The following ME1 variants were observed in gnomAD, a reference collection of about 807,000 sequenced individuals.
The protein encoded by ME1 is NADP-dependent malic enzyme.
Under a neutral mutation model 66.4 loss-of-function variants are expected in ME1, and 74 were observed. The ratio of observed to expected loss-of-function variants is 1.11; its 90% CI spans 0.92 to 1.35. ME1 has a LOEUF of 1.35. ME1 is among the 40% of genes most tolerant of loss of function. ME1 has a pLI of 0.00. For missense variants in ME1, 750 were observed against 694.1 expected, an observed-to-expected ratio of 1.08 and a Z score of -0.90; for synonymous variants, 251 against 235.6, an observed-to-expected ratio of 1.07 and a Z score of -0.60.
At chr6:83,425,993 T>C (rs1035659991) in intron 1 of ME1, among the ~76,000 whole-genome samples, 8 of 152,164 alleles carry the variant, frequency 5.3e-5, no homozygotes, top group Non-Finnish European at 1.0e-4. Flanking sequence ...AGTGGGTTCG[T>C]TATTGCAAGC....
At chr6:83,357,378 G>C (rs980650100) in intron 3 of ME1, among the ~76,000 whole-genome samples, 3 of 152,180 alleles carry the variant, frequency 2.0e-5, no homozygotes, top group Non-Finnish European at 4.4e-5. Context: ...ATTCAGATCA[G>C]TATGGGCTCA....
chr6:83,301,313 T>TC (rs1491290614), intron 6 of ME1, among the ~76,000 whole-genome samples: 2 of 124,012 alleles, frequency 1.6e-5, no homozygotes, highest in Non-Finnish European at 1.6e-5. Context: ...TCTTTCTTTC[T>TC]TTCTCTCTCT....
intron 3 of ME1, among the ~76,000 whole-genome samples, chr6:83,396,750 G>A (rs901162825): frequency 7.2e-5 from 11 of 152,124 alleles, no homozygotes; most frequent in Middle Eastern, 3.4e-3. Flanking sequence ...TAATCACAAC[G>A]GCATGGTACC....
intron 5 of ME1, among the ~76,000 whole-genome samples, chr6:83,344,146 T>C (rs1179364725): frequency 1.3e-5 from 2 of 150,810 alleles, no homozygotes; most frequent in Non-Finnish European, 3.0e-5. Context: ...ATTAGATTGG[T>C]GTGGTGGTGC....
At chr6:83,270,143 TA>T (rs1392774220) in intron 6 of ME1, among the ~76,000 whole-genome samples, 1 of 152,146 alleles carries the variant, frequency 6.6e-6, no homozygotes, top group Non-Finnish European at 1.5e-5. Flanking sequence ...CTCGTGTAAG[TA>T]AAATGAATGA....
intron 7 of ME1, among the ~76,000 whole-genome samples, chr6:83,252,488 A>G (rs938428567): frequency 1.3e-5 from 2 of 152,110 alleles, no homozygotes; most frequent in African/African-American, 4.8e-5. Context: ...TCTTGTAGAG[A>G]CAGAGTTTTG....
chr6:83,285,707 A>C (rs1767384915), intron 6 of ME1, among the ~76,000 whole-genome samples: 1 of 152,192 alleles, frequency 6.6e-6, no homozygotes, highest in Admixed American at 6.5e-5. Flanking sequence ...GTGGGAGTGC[A>C]CCTGAAGTGT....
chr6:83,233,178 C>T (rs998132564), intron 9 of ME1, among the ~76,000 whole-genome samples: 1 of 152,078 alleles, frequency 6.6e-6, no homozygotes, highest in Non-Finnish European at 1.5e-5. Flanking sequence ...AAATACTAGG[C>T]AACATTCCCT....
At chr6:83,359,337 T>A (rs373449168) in intron 3 of ME1, among the ~76,000 whole-genome samples, 1 of 152,100 alleles carries the variant, frequency 6.6e-6, no homozygotes, top group African/African-American at 2.4e-5. Flanking sequence ...GTGTGACCCA[T>A]GAGGAGGTGC....
At chr6:83,295,901 C>G (rs1419757626) in intron 6 of ME1, among the ~76,000 whole-genome samples, 1 of 151,942 alleles carries the variant, frequency 6.6e-6, no homozygotes, top group African/African-American at 2.4e-5. Context: ...TTTATGTACC[C>G]AAACTAGAAA....
chr6:83,426,760 T>C (rs1226166664), intron 1 of ME1, among the ~76,000 whole-genome samples: 1 of 152,186 alleles, frequency 6.6e-6, no homozygotes, highest in African/African-American at 2.4e-5. Flanking sequence ...AACGTAACTC[T>C]TAAACATGAC....
chr6:83,279,234 G>T (rs1012511689), intron 6 of ME1, among the ~76,000 whole-genome samples: 1 of 152,146 alleles, frequency 6.6e-6, no homozygotes, highest in Non-Finnish European at 1.5e-5. Flanking sequence ...CATATTAAAG[G>T]CATATCTCCC....
chr6:83,327,115 C>A (rs1354961368), intron 5 of ME1, among the ~76,000 whole-genome samples: 1 of 152,160 alleles, frequency 6.6e-6, no homozygotes. Flanking sequence ...TTGTGATTTC[C>A]TATGCCTATC....
chr6:83,239,667 T>G, intron 7 of ME1, 31 bp from the exon 8 acceptor site: 1 of 1,467,898 alleles, frequency 6.8e-7, no homozygotes, highest in African/African-American at 1.4e-5. Flanking sequence ...CCTTGAGTAA[T>G]CCTCAAACAG....
intron 3 of ME1, among the ~76,000 whole-genome samples, chr6:83,378,252 G>A (rs16884490): frequency 0.027 from 4,166 of 152,048 alleles, 196 homozygotes; most frequent in African/African-American, 0.092. Context: ...CTATAATTGA[G>A]CATAAAATAG....
At chr6:83,298,173 C>A (rs926984151) in intron 6 of ME1, among the ~76,000 whole-genome samples, 4 of 152,128 alleles carry the variant, frequency 2.6e-5, no homozygotes, top group African/African-American at 9.7e-5. Context: ...GTTTACATTC[C>A]CACCAATAGT....
chr6:83,410,876 A>T (rs990701912), intron 1 of ME1, among the ~76,000 whole-genome samples: 2 of 152,192 alleles, frequency 1.3e-5, no homozygotes, highest in African/African-American at 2.4e-5. Flanking sequence ...GATTCTCCAT[A>T]TCTTATGCCA....
At chr6:83,415,712 T>C (rs982806468) in intron 1 of ME1, among the ~76,000 whole-genome samples, 1 of 152,194 alleles carries the variant, frequency 6.6e-6, no homozygotes, top group Non-Finnish European at 1.5e-5. Flanking sequence ...TAGGAAATCA[T>C]TTAATTAAAC....
chr6:83,289,767 T>G (rs540340377), intron 6 of ME1, among the ~76,000 whole-genome samples: 68 of 152,272 alleles, frequency 4.5e-4, no homozygotes, highest in African/African-American at 1.6e-3. Flanking sequence ...GGTCCTCGAC[T>G]TTTTTTGGTT....
Sources: allele counts gnomAD v4.1 joint callset (sites outside exome capture counted in the v4.1 genomes callset), GRCh38; gene constraint gnomAD v4.1.1; transcripts MANE v1.5; gene names NCBI Gene and HGNC (gene_info 2026-07-23, HGNC 2026-07-21).